Variants in CTNNA2 observed in about 807,000 individuals in gnomAD.
CTNNA2 encodes the protein catenin alpha-2.
In CTNNA2, 42 loss-of-function variants were observed where a neutral mutation model predicts 101.0. The observed-to-expected ratio is 0.42, with a 90% confidence interval of 0.32 to 0.54. CTNNA2 has a LOEUF of 0.54. CTNNA2 is among the 20% of genes least tolerant of loss of function. CTNNA2 has a pLI of 0.14. For missense variants in CTNNA2, 871 were observed against 1,223.1 expected (o/e 0.71, Z 4.29); for synonymous variants, 450 against 456.4 (o/e 0.99, Z 0.18).
intron 7 of CTNNA2, among the ~76,000 whole-genome samples, chr2:80,071,955 A>C: frequency 6.6e-6 from 1 of 152,110 alleles, no homozygotes; most frequent in East Asian, 1.9e-4. Context: ...AGGCACTAAG[A>C]CTCAGATTAA....
chr2:80,140,132 A>G (rs898956675), intron 7 of CTNNA2, among the ~76,000 whole-genome samples: 1 of 152,192 alleles, frequency 6.6e-6, no homozygotes, highest in Non-Finnish European at 1.5e-5. Context: ...TCAGACCAAT[A>G]AAGCTACGAG....
chr2:79,931,260 C>CT (rs1336276618), intron 7 of CTNNA2, among the ~76,000 whole-genome samples: 1 of 152,060 alleles, frequency 6.6e-6, no homozygotes, highest in Non-Finnish European at 1.5e-5. Flanking sequence ...TTCATCTTGT[C>CT]TTTTTAATTA....
At chr2:80,061,560 C>A (rs902583832) in intron 7 of CTNNA2, among the ~76,000 whole-genome samples, 1 of 152,144 alleles carries the variant, frequency 6.6e-6, no homozygotes, top group African/African-American at 2.4e-5. Flanking sequence ...CATCAGGGGA[C>A]AAATGAAAAA....
At chr2:80,617,666 CATA>C (rs536141634) in intron 17 of CTNNA2, among the ~76,000 whole-genome samples, 12 of 151,722 alleles carry the variant, frequency 7.9e-5, no homozygotes, top group African/African-American at 2.7e-4. Flanking sequence ...TTGCCAAATC[CATA>C]ATCAGTTTGA....
intron 2 of CTNNA2, among the ~76,000 whole-genome samples, chr2:79,652,168 T>C (rs377244033): frequency 2.0e-5 from 3 of 152,048 alleles, no homozygotes; most frequent in East Asian, 1.9e-4. Context: ...TTTTAAGTGT[T>C]ATAAGTTATT....
rs537093820 is a variant in CTNNA2, at chr2:79,983,640, A to G, written c.1056+73843A>G. Among the ~76,000 whole-genome samples, 126 of 152,316 alleles carry G rather than the reference A, an allele frequency of 8.3e-4. 1 individual carries two copies. The South Asian group carries it at 0.013, about 16-fold the overall frequency. ...CCAGTGCGTCTTGTGTCAAATGAAC[A>G]GGTAGGAGGAGAGTGCTGTAACTGA... On this transcript the variant is annotated intron_variant, in intron 7 of 18. Coordinates refer to ENST00000402739, the MANE Select transcript of CTNNA2 (RefSeq NM_001282597.3).
intron 7 of CTNNA2, among the ~76,000 whole-genome samples, chr2:79,937,462 A>G (rs1275651151): frequency 2.0e-5 from 3 of 152,232 alleles, no homozygotes; most frequent in Non-Finnish European, 4.4e-5. Flanking sequence ...GTCTTCACTC[A>G]TGATTTCTTG....
intron 17 of CTNNA2, among the ~76,000 whole-genome samples, chr2:80,618,490 C>T (rs1330036435): frequency 1.3e-5 from 2 of 151,854 alleles, no homozygotes; most frequent in Non-Finnish European, 2.9e-5. Context: ...GCCCCTCACA[C>T]AATCCACCCT....
At chr2:80,413,837 C>T (rs942490801) in intron 8 of CTNNA2, among the ~76,000 whole-genome samples, 1 of 152,118 alleles carries the variant, frequency 6.6e-6, no homozygotes, top group Non-Finnish European at 1.5e-5. Context: ...ATTTTTTGAG[C>T]CTATTTGAAA....
intron 1 of CTNNA2, among the ~76,000 whole-genome samples, chr2:79,555,523 A>G (rs1175650836): frequency 6.6e-6 from 1 of 152,146 alleles, no homozygotes. Context: ...TAACATTTTA[A>G]CTGCTCTATT....
chr2:80,528,188 G>A (rs1197856455), intron 9 of CTNNA2, among the ~76,000 whole-genome samples: 1 of 152,064 alleles, frequency 6.6e-6, no homozygotes, highest in African/African-American at 2.4e-5. Flanking sequence ...CTGTATTTTT[G>A]TTGTTGTTGT....
At chr2:79,243,001 C>CACACACACACAT (rs1553385604) in intron 2 of CTNNA2, among the ~76,000 whole-genome samples, 3,684 of 122,212 alleles carry the variant, frequency 0.03, 139 homozygotes, top group East Asian at 0.16. Context: ...TATACACACA[C>CACACACACACAT]ACACACACAC....
intron 2 of CTNNA2, among the ~76,000 whole-genome samples, chr2:79,263,693 A>G (rs1034354119): frequency 6.6e-6 from 1 of 152,152 alleles, no homozygotes; most frequent in Non-Finnish European, 1.5e-5. Context: ...GATTAACTTC[A>G]TTACCACAAG....
At chr2:80,488,678 T>G (rs1686791991) in intron 9 of CTNNA2, among the ~76,000 whole-genome samples, 1 of 152,184 alleles carries the variant, frequency 6.6e-6, no homozygotes, top group Non-Finnish European at 1.5e-5. Context: ...TTGCTCAATA[T>G]CAGTTTATAA....
intron 2 of CTNNA2, among the ~76,000 whole-genome samples, chr2:79,739,124 G>T (rs1056453415): frequency 4.6e-5 from 7 of 150,602 alleles, no homozygotes; most frequent in African/African-American, 1.7e-4. Flanking sequence ...TTTACAAATG[G>T]ATAGGAAAGA....
intron 7 of CTNNA2, among the ~76,000 whole-genome samples, chr2:80,023,057 T>C (rs1339430523): frequency 6.6e-6 from 1 of 152,178 alleles, no homozygotes; most frequent in African/African-American, 2.4e-5. Flanking sequence ...AACTATATTA[T>C]AGAAAATATG....
chr2:79,719,891 G>A (rs1686364535), intron 2 of CTNNA2, among the ~76,000 whole-genome samples: 1 of 152,080 alleles, frequency 6.6e-6, no homozygotes, highest in Non-Finnish European at 1.5e-5. Flanking sequence ...AAGCTCTTTA[G>A]TTTAATTAGG....
intron 1 of CTNNA2, among the ~76,000 whole-genome samples, chr2:79,528,549 A>G (rs1672556137): frequency 6.6e-6 from 1 of 152,136 alleles, no homozygotes; most frequent in Admixed American, 6.6e-5. Context: ...TAAAATGGTA[A>G]ATATTGCTTA....
At chr2:80,599,737 A>C (rs1697303970) in intron 15 of CTNNA2, among the ~76,000 whole-genome samples, 1 of 152,152 alleles carries the variant, frequency 6.6e-6, no homozygotes, top group African/African-American at 2.4e-5. Context: ...TTTATTTTAC[A>C]CATGACTTTA....
Sources: gnomAD v4.1 joint callset for allele counts (sites outside exome capture counted in the v4.1 genomes callset) on GRCh38, gnomAD v4.1.1 for gene constraint, MANE v1.5 for transcripts, NCBI Gene and HGNC (gene_info 2026-07-23, HGNC 2026-07-21) for gene names.